Variants in ST8SIA5 observed in about 807,000 individuals in gnomAD.
The protein encoded by ST8SIA5 is ST8 alpha-N-acetyl-neuraminide alpha-2,8-sialyltransferase 5.
In ST8SIA5, 24 loss-of-function variants were observed where a neutral mutation model predicts 40.2. That is an observed-to-expected ratio of 0.60 (90% CI 0.43 to 0.84). The LOEUF (loss-of-function observed/expected upper bound fraction) is 0.84, where lower values mean the gene tolerates loss of function less well. Ranked by LOEUF, ST8SIA5 falls within the 40% of genes least tolerant of loss-of-function variation. The pLI is 0.00. For missense variants in ST8SIA5, 465 were observed against 498.5 expected, an observed-to-expected ratio of 0.93 and a Z score of 0.64; for synonymous variants, 198 against 201.8, an observed-to-expected ratio of 0.98 and a Z score of 0.16.
At chr18:46,683,103 G>A (rs1327769315) in intron 5 of ST8SIA5, among the ~76,000 whole-genome samples, 1 of 152,010 alleles carries the variant, frequency 6.6e-6, no homozygotes, top group Admixed American at 6.6e-5. Flanking sequence ...ATTGTTCAGG[G>A]GTACATCTAC....
chr18:46,707,338 C>T (rs1050633038), intron 1 of ST8SIA5, among the ~76,000 whole-genome samples: 3 of 152,162 alleles, frequency 2.0e-5, no homozygotes, highest in Non-Finnish European at 4.4e-5. Flanking sequence ...TGGCTACAAA[C>T]CAGCTGTGTG....
At chr18:46,704,433 G>A (rs2039648923) in intron 2 of ST8SIA5, 139 bp downstream of exon 2, 1 of 730,858 alleles carries the variant, frequency 1.4e-6, no homozygotes, top group Non-Finnish European at 2.3e-6. Context: ...TGGCTCTGGG[G>A]AAGGAGACCT....
chr18:46,693,598 A>C (rs567313059), intron 2 of ST8SIA5, among the ~76,000 whole-genome samples: 1 of 152,346 alleles, frequency 6.6e-6, no homozygotes, highest in African/African-American at 2.4e-5. Context: ...ACATCGACTT[A>C]TTTATAATTA....
intron 1 of ST8SIA5, among the ~76,000 whole-genome samples, chr18:46,714,318 C>T (rs969402119): frequency 4.6e-5 from 7 of 152,146 alleles, no homozygotes; most frequent in South Asian, 4.2e-4. Flanking sequence ...CCTTCCAGCC[C>T]GACTCCAACT....
intron 1 of ST8SIA5, among the ~76,000 whole-genome samples, chr18:46,724,418 C>T (rs915924425): frequency 1.3e-5 from 2 of 152,204 alleles, no homozygotes; most frequent in Admixed American, 1.3e-4. Flanking sequence ...GGGCAGAGGC[C>T]GAAGCCAAAG....
chr18:46,724,981 AAG>A (rs200039035), intron 1 of ST8SIA5, among the ~76,000 whole-genome samples: 3,035 of 129,274 alleles, frequency 0.023, 87 homozygotes, highest in Middle Eastern at 0.041. Context: ...GAAAGGAAGA[AAG>A]AGAGAGAGGA....
At chr18:46,712,706 C>T (rs2039745596) in intron 1 of ST8SIA5, among the ~76,000 whole-genome samples, 1 of 152,172 alleles carries the variant, frequency 6.6e-6, no homozygotes, top group Admixed American at 6.5e-5. Context: ...TACTGTGTGC[C>T]AGGAACTGTT....
At chr18:46,719,675 T>TTTC (rs1167085064) in intron 1 of ST8SIA5, among the ~76,000 whole-genome samples, 21 of 145,506 alleles carry the variant, frequency 1.4e-4, no homozygotes, top group Admixed American at 8.9e-4. Context: ...TTTCTCTTTC[T>TTTC]TTTCTTTTTT....
At chr18:46,723,148 G>A (rs73953881) in intron 1 of ST8SIA5, 1,884 of 165,116 alleles carry the variant, frequency 0.011, 49 homozygotes, top group African/African-American at 0.042. Flanking sequence ...AGGGCCATTC[G>A]CAGGATGGGT....
At chr18:46,711,339 T>C (rs539882793) in intron 1 of ST8SIA5, among the ~76,000 whole-genome samples, 1 of 152,328 alleles carries the variant, frequency 6.6e-6, no homozygotes, top group Non-Finnish European at 1.5e-5. Context: ...GAGGCAAGCA[T>C]AATTTCCCCC....
chr18:46,693,048 G>T (rs1408558953), intron 2 of ST8SIA5, among the ~76,000 whole-genome samples: 1 of 151,940 alleles, frequency 6.6e-6, no homozygotes, highest in Admixed American at 6.6e-5. Flanking sequence ...TCCCCTCACT[G>T]CTGCCTCCTG....
At chr18:46,731,728 A>G (rs2039986568) in intron 1 of ST8SIA5, 1 of 152,188 alleles carries the variant, frequency 6.6e-6, no homozygotes, top group African/African-American at 2.4e-5. Flanking sequence ...TGCTCATCCT[A>G]TGACCATCAT....
At position 46,678,142 on chromosome 18, in the gene ST8SIA5, G is replaced by A. The variant is rs2039352204; in HGVS notation, c.*1900C>T. 1 of 152,250 alleles carries A rather than the reference G, an allele frequency of 6.6e-6. No homozygotes were observed. The highest frequency in any genetic ancestry group is 6.5e-5 in the Admixed American group (1 of 15,280). 9.4% of individuals were successfully genotyped at this position (152,250 alleles called of 1,614,324 possible). A position where few individuals can be genotyped will look rare whatever the true frequency, so the allele number is the denominator to read the frequency against. Reference sequence around the variant, plus strand: ...TGCAGTTCTTCCTGGTTTAGCAGGTGTTTGGGATCATTTCATCCCCTTGGC... The same window carrying A: ...TGCAGTTCTTCCTGGTTTAGCAGGTATTTGGGATCATTTCATCCCCTTGGC... On this transcript the variant is annotated 3_prime_UTR_variant, in exon 7 of 7. Coordinates refer to ENST00000315087, the MANE Select transcript of ST8SIA5 (RefSeq NM_013305.6).
intron 4 of ST8SIA5, among the ~76,000 whole-genome samples, chr18:46,687,244 TAA>T (rs1238986951): frequency 3.3e-5 from 5 of 152,268 alleles, no homozygotes; most frequent in African/African-American, 1.2e-4. Flanking sequence ...TTTTGGCATC[TAA>T]TAAGATTGAA....
intron 1 of ST8SIA5, among the ~76,000 whole-genome samples, chr18:46,750,487 G>A (rs374268024): frequency 1.3e-5 from 2 of 152,022 alleles, no homozygotes; most frequent in African/African-American, 4.8e-5. Context: ...CCTAGAAAGG[G>A]TAACCTGCGC....
intron 1 of ST8SIA5, among the ~76,000 whole-genome samples, chr18:46,719,759 TTCTTTCTC>T: frequency 6.8e-6 from 1 of 147,736 alleles, no homozygotes; most frequent in East Asian, 2.0e-4. Flanking sequence ...TTTCTTTTCT[TTCTTTCTC>T]TCTTCTTTCC....
Position 46,680,189 on chromosome 18 carries a change from G to C in ST8SIA5, c.984C>G (p.Pro328=). 6.2e-7 allele frequency: 1 copy of C among 1,614,234 alleles called. No individual in the cohort carries two copies. The highest frequency in any genetic ancestry group is 1.1e-5 in the South Asian group (1 of 91,084). The change falls in exon 7 of 7, where the codon CCC becomes CCG. Residue 328 remains proline, a synonymous_variant. Transcript: ENST00000315087. ...LFGFWAFPMN[P]SGLYITHHYY... ...AGTGGTGAGTGATGTAGAGGCCCGA[G>C]GGGTTCATGGGGAAGGCCCAGAAGC...
At chr18:46,686,335 C>G (rs201977369) in intron 4 of ST8SIA5, 49 bp from the exon 5 acceptor site, 1 of 1,488,012 alleles carries the variant, frequency 6.7e-7, no homozygotes, top group Non-Finnish European at 9.4e-7. Context: ...CCCCCTGCCT[C>G]GACCTGCTAC....
chr18:46,690,512 G>T (rs1334937025), intron 3 of ST8SIA5, among the ~76,000 whole-genome samples: 2 of 151,510 alleles, frequency 1.3e-5, no homozygotes, highest in Non-Finnish European at 2.9e-5. Context: ...GTGCTGTCTT[G>T]TCCCTGCCAA....
Sources: allele counts gnomAD v4.1 joint callset (sites outside exome capture counted in the v4.1 genomes callset), GRCh38; gene constraint gnomAD v4.1.1; transcripts MANE v1.5; gene names NCBI Gene and HGNC (gene_info 2026-07-23, HGNC 2026-07-21).